The following CEP85L variants were observed in gnomAD, a reference collection of about 807,000 sequenced individuals.
CEP85L encodes the protein centrosomal protein of 85 kDa-like.
In CEP85L, 60 loss-of-function variants were observed where a neutral mutation model predicts 100.3. The observed-to-expected ratio is 0.60, with a 90% confidence interval of 0.49 to 0.74. The LOEUF (loss-of-function observed/expected upper bound fraction) is 0.74, where lower values mean the gene tolerates loss of function less well. Among genes scored for constraint, CEP85L ranks in the 30% least tolerant of loss-of-function variants. The probability of loss-of-function intolerance (pLI) is 0.00; values close to 1 mark genes in which losing one functional copy is unlikely to be tolerated. For missense variants in CEP85L, 973 were observed against 936.2 expected (o/e 1.04, Z -0.51); for synonymous variants, 319 against 322.7 (o/e 0.99, Z 0.12).
At chr6:118,654,669 G>A (rs1329811228), upstream of CEP85L, among the ~76,000 whole-genome samples, 1 of 152,142 alleles carries the variant, frequency 6.6e-6, no homozygotes. Context: ...TATCTTAATT[G>A]GATCCCTGGC....
intron 1 of CEP85L, among the ~76,000 whole-genome samples, chr6:118,696,349 T>G (rs1294124392): frequency 6.6e-6 from 1 of 152,066 alleles, no homozygotes; most frequent in African/African-American, 2.4e-5. Context: ...AATAGTACAG[T>G]AAGGATGAAT....
At chr6:118,651,050 G>C in intron 1 of CEP85L, 147 bp downstream of exon 1, 1 of 1,259,540 alleles carries the variant, frequency 7.9e-7, no homozygotes, top group Non-Finnish European at 1.0e-6. Flanking sequence ...GGTGCTGACA[G>C]CGGGGAGGAC....
intron 1 of CEP85L, among the ~76,000 whole-genome samples, chr6:118,681,672 A>G (rs1354468460): frequency 5.3e-5 from 8 of 151,752 alleles, no homozygotes; most frequent in Admixed American, 5.2e-4. Context: ...GAATATCCCC[A>G]GTGAGGGTTT....
At chr6:118,573,158 A>C (rs1356796250) in intron 2 of CEP85L, among the ~76,000 whole-genome samples, 1 of 152,236 alleles carries the variant, frequency 6.6e-6, no homozygotes, top group Admixed American at 6.5e-5. Context: ...AAGAAACTGC[A>C]AAACATCAGA....
intron 1 of CEP85L, among the ~76,000 whole-genome samples, chr6:118,644,010 T>C (rs148370261): frequency 3.3e-5 from 5 of 152,348 alleles, no homozygotes; most frequent in African/African-American, 1.2e-4. Flanking sequence ...CCTAGCTTAA[T>C]AAGTGGTAAA....
chr6:118,587,765 A>G (rs1263649399), intron 2 of CEP85L, among the ~76,000 whole-genome samples: 1 of 152,190 alleles, frequency 6.6e-6, no homozygotes, highest in Non-Finnish European at 1.5e-5. Context: ...TAATTTTTCA[A>G]AACTCCATTT....
chr6:118,646,488 G>C (rs1265797328), intron 1 of CEP85L, among the ~76,000 whole-genome samples: 1 of 151,842 alleles, frequency 6.6e-6, no homozygotes, highest in Admixed American at 6.6e-5. Context: ...GGTCAACATG[G>C]TGAAACCCCG....
intron 2 of CEP85L, among the ~76,000 whole-genome samples, chr6:118,631,804 A>AG (rs1774171036): frequency 6.6e-6 from 1 of 152,184 alleles, no homozygotes; most frequent in South Asian, 2.1e-4. Context: ...GATAAAGGAG[A>AG]GGGGGCAGAG....
chr6:118,672,786 A>AGAAGGAGGAGGAGGAG (rs146940102), intron 1 of CEP85L, among the ~76,000 whole-genome samples: 1 of 149,592 alleles, frequency 6.7e-6, no homozygotes, highest in Non-Finnish European at 1.5e-5. Flanking sequence ...AGAAGAAAGA[A>AGAAGGAGGAGGAGGAG]GAAGGAGGAG....
At chr6:118,474,853 T>C (rs1316300967) in intron 10 of CEP85L, among the ~76,000 whole-genome samples, 4 of 152,200 alleles carry the variant, frequency 2.6e-5, no homozygotes, top group Non-Finnish European at 5.9e-5. Flanking sequence ...CAGGATACTA[T>C]TAGACCCATT....
chr6:118,518,421 C>A (rs1776414885), intron 4 of CEP85L, among the ~76,000 whole-genome samples: 1 of 152,144 alleles, frequency 6.6e-6, no homozygotes, highest in African/African-American at 2.4e-5. Context: ...TGTTATTGAT[C>A]CATTCAGGGA....
intron 2 of CEP85L, among the ~76,000 whole-genome samples, chr6:118,625,385 C>T (rs565690494): frequency 6.6e-6 from 1 of 152,226 alleles, no homozygotes; most frequent in Non-Finnish European, 1.5e-5. Context: ...GCCCGAGCGC[C>T]TATTCTCCCT....
At chr6:118,642,290 A>G (rs2115354698) in intron 1 of CEP85L, among the ~76,000 whole-genome samples, 1 of 152,138 alleles carries the variant, frequency 6.6e-6, no homozygotes, top group Non-Finnish European at 1.5e-5. Context: ...GGTTTGTAAA[A>G]TGTGTCAAAA....
At chr6:118,574,271 G>A (rs772289113) in intron 2 of CEP85L, among the ~76,000 whole-genome samples, 2 of 152,204 alleles carry the variant, frequency 1.3e-5, no homozygotes, top group Non-Finnish European at 2.9e-5. Context: ...ACCATAGTTA[G>A]AAAAGTTTAA....
intron 3 of CEP85L, chr6:118,558,997 CA>C: frequency 6.2e-7 from 1 of 1,610,434 alleles, no homozygotes. Context: ...ACAAGCACGT[CA>C]AAAGCTACAG....
At chr6:118,650,309 C>G (rs1775463197) in intron 1 of CEP85L, among the ~76,000 whole-genome samples, 1 of 152,118 alleles carries the variant, frequency 6.6e-6, no homozygotes. Flanking sequence ...CTGGAAAGAC[C>G]ATCATCTTTA....
intron 3 of CEP85L, among the ~76,000 whole-genome samples, chr6:118,549,116 C>T (rs1233606549): frequency 2.6e-5 from 4 of 151,860 alleles, no homozygotes; most frequent in South Asian, 2.1e-4. Flanking sequence ...AAAAATCTGA[C>T]GTTAGAGAAT....
At chr6:118,607,921 AG>A in intron 2 of CEP85L, among the ~76,000 whole-genome samples, 2 of 152,256 alleles carry the variant, frequency 1.3e-5, no homozygotes, top group South Asian at 4.1e-4. Context: ...AATATGTTAC[AG>A]GAACGAGGTC....
intron 1 of CEP85L, among the ~76,000 whole-genome samples, chr6:118,671,856 T>C (rs1776315661): frequency 6.6e-6 from 1 of 152,134 alleles, no homozygotes; most frequent in African/African-American, 2.4e-5. Flanking sequence ...GATAATTGCT[T>C]GAACACAGAG....
Sources: allele counts gnomAD v4.1 joint callset (sites outside exome capture counted in the v4.1 genomes callset), GRCh38; gene constraint gnomAD v4.1.1; transcripts MANE v1.5; gene names NCBI Gene and HGNC (gene_info 2026-07-23, HGNC 2026-07-21).